Variants in MIGA2 observed in about 807,000 individuals in gnomAD.
MIGA2 encodes family with sequence similarity 73, member B.
Under a neutral mutation model 69.9 loss-of-function variants are expected in MIGA2, and 36 were observed. The ratio of observed to expected loss-of-function variants is 0.52; its 90% CI spans 0.39 to 0.68. The LOEUF (loss-of-function observed/expected upper bound fraction) is 0.68, where lower values mean the gene tolerates loss of function less well. MIGA2 is among the 30% of genes least tolerant of loss of function. MIGA2 has a pLI of 0.00. For missense variants in MIGA2, 660 were observed against 787.7 expected, an observed-to-expected ratio of 0.84 and a Z score of 1.94; for synonymous variants, 333 against 349.2, an observed-to-expected ratio of 0.95 and a Z score of 0.52.
At chr9:129,053,232 A>G (rs564379213) in intron 6 of MIGA2, among the ~76,000 whole-genome samples, 187 of 152,278 alleles carry the variant, frequency 1.2e-3, no homozygotes, top group Admixed American at 2.8e-3. Context: ...GTAGGTGCTC[A>G]GTTAATGATC....
intron 3 of MIGA2, among the ~76,000 whole-genome samples, chr9:129,045,667 A>G (rs1845181229): frequency 6.6e-6 from 1 of 151,666 alleles, no homozygotes; most frequent in African/African-American, 2.4e-5. Context: ...TAATCCCAGC[A>G]ATTTGGGAGG....
At chr9:129,043,735 C>T (rs1315704926) in intron 3 of MIGA2, among the ~76,000 whole-genome samples, 1 of 151,804 alleles carries the variant, frequency 6.6e-6, no homozygotes, top group East Asian at 1.9e-4. Context: ...GTCTCACTCT[C>T]TGTCACCCGG....
rs571837655 is a variant in MIGA2, at chr9:129,056,776, C to A, written c.676-2378C>A. On this transcript the variant is annotated intron_variant, in intron 6 of 15. Transcript: ENST00000684074. The stretch of plus-strand genomic sequence containing the variant: ...TCAAGTGATCTGCCCGCCTCGCCCC[C>A]CAAAGTGCTGGGATTACAGGCATGA... Among the ~76,000 whole-genome samples, 306 of 152,214 alleles carry A rather than the reference C, an allele frequency of 2.0e-3. 1 individual carries two copies. The highest frequency in any genetic ancestry group is 6.7e-3 in the African/African-American group (280 of 41,542).
rs146336775 is a variant in MIGA2 at position 129,070,106 on chromosome 9, G to A, written c.1575+141G>A. ...AGAGCCAGACCCACATGGGTCCAGA[G>A]GAAGCAGTGGGAGGGAGGAGCCTGG... On this transcript the variant is annotated intron_variant, in intron 15 of 15. Transcript: ENST00000684074. 323 of 1,241,334 alleles carry A rather than the reference G, an allele frequency of 2.6e-4. 1 individual carries two copies. Among genetic ancestry groups the A allele is most frequent in the Non-Finnish European group, 3.4e-4 (292 of 868,972 alleles). The allele number at this position is 1,241,334 out of a possible 1,614,324, so 76.9% of individuals were successfully genotyped here.
Position 129,060,532 on chromosome 9 carries a change from T to C in MIGA2, c.794-18T>C, listed in dbSNP as rs780072483. The C allele has an allele frequency of 1.9e-6, 3 of 1,572,254 alleles. No homozygotes were observed. ...TGTGGGGAGTCTCAGCCCCGCTTTC[T>C]CTCACTGCTCTTCCCAGAGAGGACC... On this transcript the variant is annotated intron_variant, in intron 7 of 15. Coordinates refer to ENST00000684074, the MANE Select transcript of MIGA2 (RefSeq NM_001329990.2). The surrounding 1 kb of genome is among the most constrained non-coding windows in gnomAD (Gnocchi z 4.8).
rs543025778 is a variant in MIGA2, at chr9:129,067,488, C to G, written c.1171-285C>G. 7 of 427,910 alleles carry G rather than the reference C, an allele frequency of 1.6e-5. No homozygotes were observed. The South Asian group carries it at 2.2e-4, about 14-fold the overall frequency. 26.5% of individuals were successfully genotyped at this position (427,910 alleles called of 1,614,324 possible). A position where few individuals can be genotyped will look rare whatever the true frequency, so the allele number is the denominator to read the frequency against. ...AACCTTCAGCTGCCTGACTCTAACC[C>G]TCACATTCTGTGTCCCTCCAAAGTG... On this transcript the variant is annotated intron_variant, in intron 11 of 15. Coordinates refer to ENST00000684074, the MANE Select transcript of MIGA2 (RefSeq NM_001329990.2).
Position 129,064,009 on chromosome 9 carries a change from A to G in MIGA2, c.1170+378A>G, listed in dbSNP as rs150533573. ...GACAACACTATATAATCTTCCTTCT[A>G]CTGCTCTCTTGTGAGGTTTTCTGTG... On this transcript the variant is annotated intron_variant, in intron 11 of 15. Coordinates refer to ENST00000684074, the MANE Select transcript of MIGA2 (RefSeq NM_001329990.2). Among the ~76,000 whole-genome samples the G allele has an allele frequency of 1.8e-4, 28 of 152,122 alleles. No homozygotes were observed. The East Asian group carries it at 4.6e-3, about 25-fold the overall frequency.
intron 6 of MIGA2, among the ~76,000 whole-genome samples, chr9:129,050,735 C>G (rs1449061765): frequency 1.3e-5 from 2 of 149,066 alleles, no homozygotes; most frequent in African/African-American, 2.5e-5. Context: ...CCACACCCAG[C>G]TAATTTTTTG....
At chr9:129,048,322 C>G in intron 3 of MIGA2, 105 bp from the exon 4 acceptor site, 1 of 976,714 alleles carries the variant, frequency 1.0e-6, no homozygotes, top group Non-Finnish European at 1.6e-6. Context: ...AGGTCGGGAC[C>G]GATTCCCAGA....
At position 129,052,283 on chromosome 9, in the gene MIGA2, C is replaced by T. The variant is rs189819577; in HGVS notation, c.675+2320C>T. Among the ~76,000 whole-genome samples, 115 of 151,738 alleles carry T rather than the reference C, an allele frequency of 7.6e-4. 2 individuals carry two copies. The South Asian group carries it at 0.016, about 22-fold the overall frequency. On this transcript the variant is annotated intron_variant, in intron 6 of 15. Coordinates refer to ENST00000684074, the MANE Select transcript of MIGA2 (RefSeq NM_001329990.2). The stretch of plus-strand genomic sequence containing the variant: ...AGTCAGAGGTGCCTGCCAGCACGCC[C>T]GGCTAATTTTTGTATTTTTAGTAGA...
At chr9:129,057,792 G>A (rs1845872282) in intron 6 of MIGA2, among the ~76,000 whole-genome samples, 1 of 152,068 alleles carries the variant, frequency 6.6e-6, no homozygotes, top group South Asian at 2.1e-4. Context: ...TTTTTGTAGA[G>A]ATAGGGTCTT....
In MIGA2 at chr9:129,063,553, G is replaced by A; in HGVS notation, c.1092G>A (p.Leu364=). The part of the protein sequence containing the change: ...HCVRQAFEGL[L]EDKSNQLFFG... The stretch of plus-strand genomic sequence containing the variant: ...CCTTCCTCCTTCCCTAGGGGCTTCT[G>A]GAAGACAAGAGTAACCAGCTTTTCT... Residue 364 remains leucine (L), a synonymous_variant, in exon 11 of 16, where the codon CTG becomes CTA. Coordinates refer to ENST00000684074, the MANE Select transcript of MIGA2 (RefSeq NM_001329990.2). 6.2e-7 allele frequency: 1 copy of A among 1,610,848 alleles called. No individual in the cohort carries two copies. The highest frequency in any genetic ancestry group is 8.5e-7 in the Non-Finnish European group (1 of 1,178,024).
intron 6 of MIGA2, among the ~76,000 whole-genome samples, chr9:129,056,788 G>A (rs928357663): frequency 1.6e-4 from 24 of 152,086 alleles, no homozygotes; most frequent in South Asian, 2.1e-4. Flanking sequence ...AAAGTGCTGG[G>A]ATTACAGGCA....
chr9:129,061,324 A>G lies in MIGA2; in HGVS notation c.988A>G (p.Arg330Gly). ...EEALQLVKEGRVPCRTLRTEL... is the reference protein window; with the variant it reads ...EEALQLVKEGGVPCRTLRTEL... ...GGCCCTGCAGCTGGTGAAGGAGGGGAGAGTGCCTTGCCGGACCCTCAGGTG... is the reference window on the plus strand; with the variant it reads ...GGCCCTGCAGCTGGTGAAGGAGGGGGGAGTGCCTTGCCGGACCCTCAGGTG... The change falls in exon 9 of 16, where the codon AGA (arginine) becomes GGA (glycine). Residue 330 changes from arginine (R) to glycine (G), a missense_variant. Physicochemically the swap from Arg to Gly is moderately radical, Grantham distance 125. Coordinates refer to ENST00000684074, the MANE Select transcript of MIGA2 (RefSeq NM_001329990.2). This position sits in a 1 kb window ranked among gnomAD's most constrained non-coding sequence, Gnocchi z 5.0. 2 of 1,485,734 alleles carry G rather than the reference A, an allele frequency of 1.3e-6. No individual in the cohort carries two copies. Among genetic ancestry groups the G allele is most frequent in the Non-Finnish European group, 1.8e-6 (2 of 1,098,250 alleles). The allele number at this position is 1,485,734 out of a possible 1,614,324, so 92.0% of individuals were successfully genotyped here.
chr9:129,044,028 G>C (rs752571130), intron 3 of MIGA2, among the ~76,000 whole-genome samples: 2 of 143,030 alleles, frequency 1.4e-5, no homozygotes, highest in Admixed American at 1.4e-4. Context: ...AGTTTCGCTT[G>C]TGTTTCCCAG....
intron 3 of MIGA2, among the ~76,000 whole-genome samples, chr9:129,044,151 G>T (rs1378945555): frequency 6.6e-6 from 1 of 150,722 alleles, no homozygotes; most frequent in African/African-American, 2.4e-5. Flanking sequence ...ATGAAACCAC[G>T]CCCGGCTAAT....
intron 11 of MIGA2, among the ~76,000 whole-genome samples, chr9:129,066,188 CT>C: frequency 6.6e-6 from 1 of 152,196 alleles, no homozygotes; most frequent in Non-Finnish European, 1.5e-5. Flanking sequence ...GTCCAGGGTA[CT>C]GAGCATGTGA....
At chr9:129,063,717 T>A in intron 11 of MIGA2, 86 bp downstream of exon 11, 1 of 1,327,354 alleles carries the variant, frequency 7.5e-7, no homozygotes, top group Non-Finnish European at 1.1e-6. Context: ...AGGGAACCCC[T>A]GTGCACAGGC....
At chr9:129,046,465 T>TC (rs1845229230) in intron 3 of MIGA2, among the ~76,000 whole-genome samples, 1 of 151,688 alleles carries the variant, frequency 6.6e-6, no homozygotes, top group East Asian at 1.9e-4. Flanking sequence ...CTCTGTTTTT[T>TC]TTTTTTTTTG....
Sources: allele counts gnomAD v4.1 joint callset (sites outside exome capture counted in the v4.1 genomes callset), GRCh38; gene constraint gnomAD v4.1.1; non-coding constraint Gnocchi (gnomAD v3.1); transcripts MANE v1.5; gene names NCBI Gene and HGNC (gene_info 2026-07-23, HGNC 2026-07-21).